ARHGEF4: variants seen among roughly 807,000 people sequenced by gnomAD.
ARHGEF4 encodes APC-stimulated guanine nucleotide exchange factor 1.
A neutral mutation model predicts 162.0 loss-of-function variants in ARHGEF4; 119 were observed. The ratio of observed to expected loss-of-function variants is 0.73; its 90% CI spans 0.63 to 0.86. The LOEUF is 0.86. ARHGEF4 is among the 40% of genes least tolerant of loss of function. The pLI, the probability that ARHGEF4 is intolerant of heterozygous loss-of-function variation, is 0.00. For synonymous variants in ARHGEF4, 1,014 were observed against 979.9 expected, an observed-to-expected ratio of 1.03 and a Z score of -0.65; for missense variants, 2,488 against 2,456.0, an observed-to-expected ratio of 1.01 and a Z score of -0.28.
At chr2:130,919,554 AC>A (rs1681737994) in intron 2 of ARHGEF4, among the ~76,000 whole-genome samples, 1 of 152,212 alleles carries the variant, frequency 6.6e-6, no homozygotes, top group Non-Finnish European at 1.5e-5. Flanking sequence ...AAAAGATTTT[AC>A]AGTATTTGAA....
chr2:130,991,203 A>G (rs1255691755), intron 4 of ARHGEF4, among the ~76,000 whole-genome samples: 1 of 152,238 alleles, frequency 6.6e-6, no homozygotes, highest in Non-Finnish European at 1.5e-5. Flanking sequence ...AGAGAGATGT[A>G]TGGGTGGGGG....
intron 13 of ARHGEF4, chr2:131,045,693 C>T (rs1674165666): frequency 2.1e-6 from 3 of 1,460,364 alleles, no homozygotes; most frequent in Non-Finnish European, 2.7e-6. Flanking sequence ...GGTGACAATG[C>T]TTGTTTCCCC....
chr2:130,947,243 A>G (rs1683679474), intron 4 of ARHGEF4: 1 of 153,142 alleles, frequency 6.5e-6, no homozygotes. Context: ...AAAAAAAAAA[A>G]ATTATCTCCA....
chr2:131,003,340 A>T (rs992290062), intron 4 of ARHGEF4, among the ~76,000 whole-genome samples: 2 of 152,242 alleles, frequency 1.3e-5, no homozygotes, highest in Non-Finnish European at 2.9e-5. Context: ...AATGATCTAC[A>T]TGAATGCTCC....
intron 4 of ARHGEF4, among the ~76,000 whole-genome samples, chr2:130,947,890 T>A (rs1683718126): frequency 6.6e-6 from 1 of 152,150 alleles, no homozygotes; most frequent in Non-Finnish European, 1.5e-5. Flanking sequence ...GTCTAAAAGC[T>A]CATGGCTGCT....
intron 3 of ARHGEF4, among the ~76,000 whole-genome samples, chr2:130,936,831 G>C (rs1008888301): frequency 2.0e-5 from 3 of 149,780 alleles, no homozygotes; most frequent in Non-Finnish European, 4.4e-5. Context: ...CCAAATTTAG[G>C]AATTTTCCAC....
intron 4 of ARHGEF4, among the ~76,000 whole-genome samples, chr2:130,972,109 C>G (rs537403900): frequency 6.6e-6 from 1 of 152,180 alleles, no homozygotes; most frequent in Non-Finnish European, 1.5e-5. Flanking sequence ...GGCAAGGCCT[C>G]GGGTTGTATA....
chr2:131,004,901 T>C (rs990799225), intron 4 of ARHGEF4, among the ~76,000 whole-genome samples: 16 of 152,106 alleles, frequency 1.1e-4, no homozygotes, highest in Non-Finnish European at 2.1e-4. Context: ...CCCCATTCCC[T>C]CCTCCAAAGT....
At chr2:131,011,129 AAC>A (rs1688422454) in intron 4 of ARHGEF4, among the ~76,000 whole-genome samples, 2 of 152,230 alleles carry the variant, frequency 1.3e-5, no homozygotes, top group African/African-American at 2.4e-5. Context: ...GAAGTCAAAT[AAC>A]ACAGTTCCAC....
rs776802297 is a variant in ARHGEF4, at chr2:131,040,385, G to C, written c.4607G>C (p.Arg1536Thr). 6.2e-7 allele frequency: 1 copy of C among 1,609,682 alleles called. No individual in the cohort carries two copies. The highest frequency in any genetic ancestry group is 2.2e-5 in the East Asian group (1 of 44,728). Residue 1536 changes from arginine to threonine, a missense_variant, in exon 8 of 14, where the codon AGG (arginine) becomes ACG (threonine). Arg to Thr is a moderately conservative substitution (Grantham distance 71). Coordinates refer to ENST00000409359, the MANE Select transcript of ARHGEF4 (RefSeq NM_001367493.1). Reference protein sequence around the residue: ...QKAFVKALEQRFNRERPHLSE... With the variant: ...QKAFVKALEQTFNRERPHLSE... ...GCCTTCGTGAAGGCCCTGGAGCAGA[G>C]GTTCAACCGCGAGCGCCCACACCTG...
chr2:130,996,249 A>G (rs567091395), intron 4 of ARHGEF4, among the ~76,000 whole-genome samples: 2 of 152,294 alleles, frequency 1.3e-5, no homozygotes, highest in East Asian at 3.9e-4. Context: ...TCCCCAGGCA[A>G]GGCAGCCCTG....
rs1691233911 is a variant in ARHGEF4 at position 131,046,074 on chromosome 2, A to C, written c.5516A>C (p.His1839Pro). 1 of 1,612,542 alleles carries C rather than the reference A, an allele frequency of 6.2e-7. No individual in the cohort carries two copies. The highest frequency in any genetic ancestry group is 8.5e-7 in the Non-Finnish European group (1 of 1,179,736). ...CCCTGCTACCTGACGCGCCAGAAGC[A>C]CCCAGCCCTGCCCAGCAACCGGCCC... The part of the protein sequence containing the change: ...GRPCYLTRQK[H>P]PALPSNRPQQ... The change falls in exon 14 of 14, where the codon CAC (histidine) becomes CCC (proline). Residue 1839 changes from histidine (H) to proline (P), a missense_variant. This residue lies in a region of ARHGEF4 where 415 missense variants were observed against 512.4 expected (regional missense o/e 0.81). Coordinates refer to ENST00000409359, the MANE Select transcript of ARHGEF4 (RefSeq NM_001367493.1).
At chr2:130,899,272 G>T (rs905015787) in intron 1 of ARHGEF4, among the ~76,000 whole-genome samples, 1 of 152,174 alleles carries the variant, frequency 6.6e-6, no homozygotes, top group South Asian at 2.1e-4. Context: ...CCAAAATTCT[G>T]CCCACCTCAG....
intron 4 of ARHGEF4, among the ~76,000 whole-genome samples, chr2:130,969,108 C>T (rs970121993): frequency 6.6e-6 from 1 of 152,190 alleles, no homozygotes; most frequent in East Asian, 1.9e-4. Context: ...TTAGCCCAGC[C>T]TACCTTAAAT....
chr2:130,922,121 G>T (rs1418654080), intron 2 of ARHGEF4, among the ~76,000 whole-genome samples: 1 of 151,960 alleles, frequency 6.6e-6, no homozygotes, highest in African/African-American at 2.4e-5. Context: ...TGTAATCTCA[G>T]CACTTTGGGA....
chr2:130,837,215 C>T (rs930549802), intron 1 of ARHGEF4, among the ~76,000 whole-genome samples: 1 of 152,062 alleles, frequency 6.6e-6, no homozygotes, highest in African/African-American at 2.4e-5. Flanking sequence ...GACGGGGCTC[C>T]GTTGGGGGCG....
chr2:130,988,848 TTGTG>T (rs1167521372), intron 4 of ARHGEF4, among the ~76,000 whole-genome samples: 16 of 136,220 alleles, frequency 1.2e-4, no homozygotes, highest in Admixed American at 3.0e-4. Context: ...CCACATATAT[TTGTG>T]TGTGTGTGTG....
chr2:131,017,143 C>T (rs1476709340), intron 4 of ARHGEF4, among the ~76,000 whole-genome samples: 2 of 152,186 alleles, frequency 1.3e-5, no homozygotes, highest in African/African-American at 2.4e-5. Flanking sequence ...ATTTATTCAC[C>T]TGCATACACC....
At chr2:130,889,394 T>A (rs1019085985) in intron 1 of ARHGEF4, among the ~76,000 whole-genome samples, 1 of 152,116 alleles carries the variant, frequency 6.6e-6, no homozygotes, top group Non-Finnish European at 1.5e-5. Flanking sequence ...ACTTATTAAC[T>A]GCTTCCCTTG....
Sources: gnomAD v4.1 joint callset for allele counts (sites outside exome capture counted in the v4.1 genomes callset) on GRCh38, gnomAD v4.1.1 for gene constraint, gnomAD v4.1.1 regional missense constraint, MANE v1.5 for transcripts, NCBI Gene and HGNC (gene_info 2026-07-23, HGNC 2026-07-21) for gene names.